ADA: variants seen among roughly 807,000 people sequenced by gnomAD.
ADA encodes the protein adenosine aminohydrolase.
Under a neutral mutation model 49.0 loss-of-function variants are expected in ADA, and 45 were observed. That is an observed-to-expected ratio of 0.92 (90% CI 0.72 to 1.18). ADA has a LOEUF of 1.18. ADA is among the 50% of genes most tolerant of loss of function. The pLI, the probability that ADA is intolerant of heterozygous loss-of-function variation, is 0.00. For synonymous variants in ADA, 173 were observed against 184.2 expected, an observed-to-expected ratio of 0.94 and a Z score of 0.49; for missense variants, 445 against 472.5, an observed-to-expected ratio of 0.94 and a Z score of 0.54.
rs189797213 is a variant in ADA, at chr20:44,631,174, A to G, written c.96-2005T>C. Among the ~76,000 whole-genome samples the G allele has an allele frequency of 1.2e-4, 19 of 152,252 alleles. No individual in the cohort carries two copies. In the East Asian group the frequency reaches 3.7e-3, roughly 29 times the overall value. On this transcript the variant is annotated intron_variant, in intron 2 of 11. Coordinates refer to ENST00000372874, the MANE Select transcript of ADA (RefSeq NM_000022.4). ...TAAATATGTTTCCTAAGCCCCCTGA[A>G]TGTGCTCCCTTCCCCATCTGTTAGC...
chr20:44,619,894 C>T (rs376316124), intron 11 of ADA, 47 bp from the exon 12 acceptor site: 1 of 1,613,058 alleles, frequency 6.2e-7, no homozygotes, highest in African/African-American at 1.3e-5. Context: ...ACTTGTAGTA[C>T]CCAGGATGTT....
chr20:44,638,076 G>A (rs1267858866), intron 1 of ADA, among the ~76,000 whole-genome samples: 1 of 152,156 alleles, frequency 6.6e-6, no homozygotes, highest in Non-Finnish European at 1.5e-5. Flanking sequence ...ACTGTATAGA[G>A]CATCATGCGG....
rs199858974 is a variant in ADA at position 44,621,176 on chromosome 20, G to C, written c.846-29C>G. 2,868 of 1,613,920 alleles carry C rather than the reference G, an allele frequency of 1.8e-3. 3 individuals are homozygous for C. The highest frequency in any genetic ancestry group is 2.3e-3 in the Non-Finnish European group (2,740 of 1,179,852). ...CAGAAGAGGGAGGAGGAGAGAATCA[G>C]CCTCCTTTTACTCTTACATAAATAG... On this transcript the variant is annotated intron_variant, in intron 9 of 11. Transcript: ENST00000372874.
intron 1 of ADA, among the ~76,000 whole-genome samples, chr20:44,641,902 G>A (rs2065539380): frequency 6.6e-6 from 1 of 151,614 alleles, no homozygotes; most frequent in African/African-American, 2.4e-5. Context: ...CAAGTAGCTG[G>A]GATTACAGGC....
At chr20:44,637,913 G>A (rs1410465471) in intron 1 of ADA, among the ~76,000 whole-genome samples, 3 of 152,130 alleles carry the variant, frequency 2.0e-5, no homozygotes, top group Admixed American at 6.5e-5. Flanking sequence ...CTCAAAATAT[G>A]CTCAGCATTG....
At chr20:44,644,703 C>G (rs1600947183) in intron 1 of ADA, among the ~76,000 whole-genome samples, 1 of 152,250 alleles carries the variant, frequency 6.6e-6, no homozygotes, top group Non-Finnish European at 1.5e-5. Context: ...GGCTGAGAAA[C>G]TGTTTCAGCT....
intron 1 of ADA, among the ~76,000 whole-genome samples, chr20:44,640,797 G>A (rs1315923351): frequency 6.6e-6 from 1 of 151,964 alleles, no homozygotes; most frequent in Non-Finnish European, 1.5e-5. Flanking sequence ...CAGAAGCAGA[G>A]AGTTTTAAGA....
chr20:44,628,424 G>A (rs1317988807), intron 3 of ADA, among the ~76,000 whole-genome samples: 2 of 152,104 alleles, frequency 1.3e-5, no homozygotes, highest in Admixed American at 6.6e-5. Context: ...CTACTTGGGA[G>A]GCTAAAGCAG....
rs563988337 is a variant in ADA at position 44,636,778 on chromosome 20, C to G, written c.34-490G>C. Among the ~76,000 whole-genome samples, 12 of 152,202 alleles carry G rather than the reference C, an allele frequency of 7.9e-5. No homozygotes were observed. In the South Asian group the frequency reaches 2.5e-3, roughly 32 times the overall value. ...GTCCCAAACTAGGGAAGAGTCACAG[C>G]ATATTTCAAAATTCAGGATCCATTT... On this transcript the variant is annotated intron_variant, in intron 1 of 11. Transcript: ENST00000372874.
chr20:44,639,436 G>A (rs778893285), intron 1 of ADA, among the ~76,000 whole-genome samples: 9 of 151,694 alleles, frequency 5.9e-5, no homozygotes, highest in African/African-American at 1.2e-4. Context: ...TTTTTAAGAC[G>A]GAGTTTCACT....
At chr20:44,621,206 A>G (rs2065328683) in intron 9 of ADA, 59 bp from the exon 10 acceptor site, 2 of 1,610,754 alleles carry the variant, frequency 1.2e-6, no homozygotes, top group Non-Finnish European at 1.7e-6. Context: ...AAATAGTCAG[A>G]ACACATTGAC....
chr20:44,631,987 G>A (rs1444917622), intron 2 of ADA, among the ~76,000 whole-genome samples: 1 of 152,142 alleles, frequency 6.6e-6, no homozygotes, highest in African/African-American at 2.4e-5. Flanking sequence ...AGAGACGGGC[G>A]CCTCCCCGTG....
At chr20:44,620,645 G>A (rs538915760) in intron 10 of ADA, 1 of 594,126 alleles carries the variant, frequency 1.7e-6, no homozygotes, top group East Asian at 3.0e-5. Context: ...GAGACAGGGT[G>A]GCATGTAGGG....
intron 1 of ADA, among the ~76,000 whole-genome samples, chr20:44,636,776 A>G (rs1172774486): frequency 2.0e-5 from 3 of 152,196 alleles, no homozygotes; most frequent in African/African-American, 7.2e-5. Flanking sequence ...GAAGAGTCAC[A>G]GCATATTTCA....
At chr20:44,631,199 C>A (rs956544441) in intron 2 of ADA, among the ~76,000 whole-genome samples, 1 of 152,162 alleles carries the variant, frequency 6.6e-6, no homozygotes, top group Admixed American at 6.5e-5. Context: ...CATCTGTTAG[C>A]CCAAGTCCCC....
intron 5 of ADA, among the ~76,000 whole-genome samples, chr20:44,624,682 T>G (rs1261907457): frequency 1.3e-5 from 2 of 152,226 alleles, no homozygotes; most frequent in Admixed American, 1.3e-4. Flanking sequence ...GTAGGCTTAT[T>G]CCCATGCGCA....
chr20:44,634,232 G>T (rs1444195807), intron 2 of ADA, among the ~76,000 whole-genome samples: 1 of 152,256 alleles, frequency 6.6e-6, no homozygotes, highest in East Asian at 1.9e-4. Flanking sequence ...GGGGCCTTGT[G>T]GCAAGTTGGC....
chr20:44,625,700 A>G lies in ADA; in HGVS notation c.363-16T>C, dbSNP rs1314647942. 4 of 1,548,112 alleles carry G rather than the reference A, an allele frequency of 2.6e-6. No homozygotes were observed. In the Admixed American group the frequency reaches 5.8e-5, roughly 23 times the overall value. On this transcript the variant is annotated splice_polypyrimidine_tract_variant and intron_variant, in intron 4 of 11. Coordinates refer to ENST00000372874, the MANE Select transcript of ADA (RefSeq NM_000022.4). ...GAGGTCCCCTCTGTGTGAGGAGAGGAGTAGGGATGGGCCTGAGGCAAAAGG... is the reference window on the plus strand; with the variant it reads ...GAGGTCCCCTCTGTGTGAGGAGAGGGGTAGGGATGGGCCTGAGGCAAAAGG...
intron 1 of ADA, among the ~76,000 whole-genome samples, chr20:44,636,508 T>C (rs1184468568): frequency 1.3e-5 from 2 of 152,164 alleles, no homozygotes; most frequent in Non-Finnish European, 2.9e-5. Context: ...GTTATCTCGA[T>C]CTCTTTCACA....
Sources: gnomAD v4.1 joint callset for allele counts (sites outside exome capture counted in the v4.1 genomes callset) on GRCh38, gnomAD v4.1.1 for gene constraint, MANE v1.5 for transcripts, NCBI Gene and HGNC (gene_info 2026-07-23, HGNC 2026-07-21) for gene names.